The following TP63 variants were observed in gnomAD, a reference collection of about 807,000 sequenced individuals.
The protein encoded by TP63 is tumor protein 63.
Under a neutral mutation model 82.8 loss-of-function variants are expected in TP63, and 17 were observed. That is an observed-to-expected ratio of 0.21 (90% CI 0.14 to 0.31). The LOEUF (loss-of-function observed/expected upper bound fraction) is 0.31, where lower values mean the gene tolerates loss of function less well. Among genes scored for constraint, TP63 ranks in the 10% least tolerant of loss-of-function variants. TP63 has a pLI of 1.00. For missense variants in TP63, 648 were observed against 895.3 expected (o/e 0.72, Z 3.52); for synonymous variants, 330 against 321.7 (o/e 1.03, Z -0.28).
chr3:189,842,769 G>T (rs1411082112), intron 4 of TP63, among the ~76,000 whole-genome samples: 2 of 152,090 alleles, frequency 1.3e-5, no homozygotes, highest in Non-Finnish European at 2.9e-5. Flanking sequence ...TCTCACCCTG[G>T]CCTTTTTCTC....
At chr3:189,885,826 A>T (rs897518973) in intron 10 of TP63, among the ~76,000 whole-genome samples, 13 of 152,204 alleles carry the variant, frequency 8.5e-5, no homozygotes, top group Non-Finnish European at 8.8e-5. Flanking sequence ...TACATCATGA[A>T]CATCTCTATT....
chr3:189,639,182 G>A (rs531662833), intron 1 of TP63, among the ~76,000 whole-genome samples: 71 of 152,212 alleles, frequency 4.7e-4, no homozygotes, highest in Non-Finnish European at 8.1e-4. Context: ...GTGATGGGTA[G>A]ATAAAATACT....
chr3:189,772,047 TGAA>T (rs1043482664), intron 3 of TP63, among the ~76,000 whole-genome samples: 17 of 152,234 alleles, frequency 1.1e-4, no homozygotes, highest in African/African-American at 4.1e-4. Context: ...GAGCAGCTAA[TGAA>T]GACAGTTAAA....
At chr3:189,879,849 A>G (rs1262543685) in intron 10 of TP63, among the ~76,000 whole-genome samples, 2 of 152,214 alleles carry the variant, frequency 1.3e-5, no homozygotes, top group Non-Finnish European at 2.9e-5. Flanking sequence ...GTTAACTACT[A>G]TAGCCTTATC....
At chr3:189,835,833 G>A (rs1480181707) in intron 4 of TP63, among the ~76,000 whole-genome samples, 2 of 151,776 alleles carry the variant, frequency 1.3e-5, no homozygotes, top group Admixed American at 6.6e-5. Context: ...AGAATCACTT[G>A]AACTCAGGAG....
At chr3:189,690,312 C>A (rs1716816320) in intron 1 of TP63, among the ~76,000 whole-genome samples, 1 of 152,136 alleles carries the variant, frequency 6.6e-6, no homozygotes, top group Non-Finnish European at 1.5e-5. Flanking sequence ...TGATGGGGTC[C>A]AGGCTCTTTA....
At chr3:189,723,236 A>G (rs1392056987) in intron 1 of TP63, among the ~76,000 whole-genome samples, 1 of 152,196 alleles carries the variant, frequency 6.6e-6, no homozygotes, top group African/African-American at 2.4e-5. Context: ...ATTGAAGGTT[A>G]GAGAGGTTGC....
At chr3:189,877,826 TTAAG>T (rs1256123854) in intron 10 of TP63, among the ~76,000 whole-genome samples, 1 of 152,228 alleles carries the variant, frequency 6.6e-6, no homozygotes, top group African/African-American at 2.4e-5. Context: ...ACATTGGCAG[TTAAG>T]TAAGTAGTTA....
chr3:189,729,790 T>C (rs1720028959), intron 1 of TP63, among the ~76,000 whole-genome samples: 1 of 152,150 alleles, frequency 6.6e-6, no homozygotes, highest in South Asian at 2.1e-4. Flanking sequence ...CAAGTGAGTT[T>C]TGGAGGCAAA....
At chr3:189,647,048 G>C (rs1454243446) in intron 1 of TP63, among the ~76,000 whole-genome samples, 1 of 147,090 alleles carries the variant, frequency 6.8e-6, no homozygotes, top group African/African-American at 2.5e-5. Context: ...GTGTTTTGTG[G>C]ATCCTTTTCA....
intron 1 of TP63, among the ~76,000 whole-genome samples, chr3:189,735,783 A>C (rs1449275716): frequency 6.6e-6 from 1 of 152,164 alleles, no homozygotes; most frequent in East Asian, 1.9e-4. Context: ...ATGAATACTG[A>C]CTGTGGTGAT....
intron 10 of TP63, among the ~76,000 whole-genome samples, chr3:189,875,623 T>TACACAC (rs1202284713): frequency 2.8e-5 from 3 of 107,822 alleles, no homozygotes; most frequent in Non-Finnish European, 6.1e-5. Context: ...TATATATATA[T>TACACAC]ATATATATAT....
At position 189,669,344 on chromosome 3, in the gene TP63, AG is replaced by A. The variant is rs1161722967; in HGVS notation, c.62+37769del. 2.0e-5 allele frequency among the ~76,000 whole-genome samples: 3 copies of A among 151,520 alleles called. No homozygotes were observed. The Admixed American group carries it at 2.0e-4, about 10-fold the overall frequency. ...AAACTGAGGATAATTTGTAGTTAGC[AG>A]GTGTGTACTACAAAAAAAAAAAAGA... On this transcript the variant is annotated intron_variant, in intron 1 of 13. Transcript: ENST00000264731.
At chr3:189,732,154 C>T (rs932695102) in intron 1 of TP63, among the ~76,000 whole-genome samples, 1 of 152,030 alleles carries the variant, frequency 6.6e-6, no homozygotes, top group African/African-American at 2.4e-5. Context: ...GTATCAAGTC[C>T]CACCGACAAT....
At chr3:189,831,807 G>C (rs1018627312) in intron 4 of TP63, among the ~76,000 whole-genome samples, 2 of 142,828 alleles carry the variant, frequency 1.4e-5, no homozygotes, top group Admixed American at 7.0e-5. Context: ...TGCCATGAAA[G>C]CTATTATGCT....
At chr3:189,667,253 C>T (rs546721932) in intron 1 of TP63, among the ~76,000 whole-genome samples, 27 of 147,550 alleles carry the variant, frequency 1.8e-4, no homozygotes, top group African/African-American at 5.8e-4. Context: ...CTACTCACTG[C>T]GACCTCTGCC....
chr3:189,661,783 C>T (rs556354435), intron 1 of TP63, among the ~76,000 whole-genome samples: 2 of 152,078 alleles, frequency 1.3e-5, no homozygotes, highest in South Asian at 4.1e-4. Flanking sequence ...TCAATTTCTT[C>T]CTGCTTCAAT....
chr3:189,731,480 A>G (rs566260838), intron 1 of TP63, among the ~76,000 whole-genome samples: 4 of 152,364 alleles, frequency 2.6e-5, no homozygotes, highest in African/African-American at 9.6e-5. Flanking sequence ...TCTCAGGTCT[A>G]TTATTTCTAA....
intron 3 of TP63, among the ~76,000 whole-genome samples, chr3:189,789,222 T>C (rs1724877170): frequency 6.6e-6 from 1 of 152,100 alleles, no homozygotes; most frequent in Non-Finnish European, 1.5e-5. Context: ...TCTCTCCTAA[T>C]TTCTAACTTT....
Sources: gnomAD v4.1 joint callset for allele counts (sites outside exome capture counted in the v4.1 genomes callset) on GRCh38, gnomAD v4.1.1 for gene constraint, MANE v1.5 for transcripts, NCBI Gene and HGNC (gene_info 2026-07-23, HGNC 2026-07-21) for gene names.